The following PPIL1 variants were observed in gnomAD, a reference collection of about 807,000 sequenced individuals.
PPIL1 encodes peptidyl-prolyl cis-trans isomerase-like 1.
PPIL1 carries 14 observed loss-of-function variants against 19.4 expected under a neutral mutation model. The observed-to-expected ratio is 0.72, with a 90% CI of 0.48 to 1.13. PPIL1 has a LOEUF of 1.13. Ranked by LOEUF, PPIL1 falls within the 50% of genes most tolerant of loss-of-function variation. PPIL1 has a pLI of 0.00. For missense variants in PPIL1, 192 were observed against 218.0 expected, an observed-to-expected ratio of 0.88 and a Z score of 0.75; for synonymous variants, 72 against 73.6, an observed-to-expected ratio of 0.98 and a Z score of 0.11.
At position 36,855,756 on chromosome 6, in the gene PPIL1, T is replaced by G; in HGVS notation, c.*57A>C. On this transcript the variant is annotated 3_prime_UTR_variant, in exon 4 of 4. Transcript: ENST00000373699. ...TAGCATTACATGTCATTCTATGTCATCTAGAAGCTGGTTCACTGGGGCCAT... is the reference window on the plus strand; with the variant it reads ...TAGCATTACATGTCATTCTATGTCAGCTAGAAGCTGGTTCACTGGGGCCAT... The G allele has an allele frequency of 1.3e-6, 2 of 1,553,238 alleles. No homozygotes were observed. Among genetic ancestry groups the G allele is most frequent in the Non-Finnish European group, 1.8e-6 (2 of 1,125,308 alleles).
intron 2 of PPIL1, among the ~76,000 whole-genome samples, chr6:36,863,059 G>A (rs1583111462): frequency 6.6e-6 from 1 of 152,302 alleles, no homozygotes; most frequent in Middle Eastern, 3.4e-3. Context: ...GGCTTGTTAT[G>A]AGAATTAAAT....
chr6:36,856,872 C>T (rs561261745), intron 2 of PPIL1, among the ~76,000 whole-genome samples: 1 of 152,138 alleles, frequency 6.6e-6, no homozygotes, highest in Non-Finnish European at 1.5e-5. Context: ...TTCAAAATAA[C>T]GCTATTTTTT....
rs1315047336 is a variant in PPIL1, at chr6:36,872,190, T to C, written c.57-318A>G. Reference sequence around the variant, plus strand: ...GCTATATCTGATTATCTGAAACCAATATAACCAACCCCTAAATTAGGAAAA... The same window carrying C: ...GCTATATCTGATTATCTGAAACCAACATAACCAACCCCTAAATTAGGAAAA... On this transcript the variant is annotated intron_variant, in intron 1 of 3. Coordinates refer to ENST00000373699, the MANE Select transcript of PPIL1 (RefSeq NM_016059.5). Among the ~76,000 whole-genome samples the C allele has an allele frequency of 2.6e-5, 4 of 151,994 alleles. No homozygotes were observed. In the East Asian group the frequency reaches 7.7e-4, roughly 29 times the overall value.
intron 2 of PPIL1, among the ~76,000 whole-genome samples, chr6:36,865,710 C>A (rs1774381720): frequency 6.6e-6 from 1 of 152,204 alleles, no homozygotes; most frequent in African/African-American, 2.4e-5. Flanking sequence ...ACATAATCCA[C>A]ACCGTACTAT....
chr6:36,859,761 T>C (rs1463962320), intron 2 of PPIL1, among the ~76,000 whole-genome samples: 2 of 151,752 alleles, frequency 1.3e-5, no homozygotes. Flanking sequence ...TTGCAGGTTC[T>C]GTGCCTGGTC....
At chr6:36,865,545 C>CT (rs1265915609) in intron 2 of PPIL1, among the ~76,000 whole-genome samples, 4 of 152,164 alleles carry the variant, frequency 2.6e-5, no homozygotes, top group Non-Finnish European at 5.9e-5. Context: ...CTGCATGCCT[C>CT]TGTCACTCCT....
intron 2 of PPIL1, among the ~76,000 whole-genome samples, chr6:36,862,428 C>T (rs1028520382): frequency 2.0e-5 from 3 of 152,174 alleles, no homozygotes; most frequent in African/African-American, 4.8e-5. Context: ...TGCAGACAGG[C>T]GTGGCCAGAT....
chr6:36,860,763 TA>T (rs10585822), intron 2 of PPIL1, among the ~76,000 whole-genome samples: 23,561 of 122,122 alleles, frequency 0.19, 2,005 homozygotes, highest in Middle Eastern at 0.25. Context: ...TATGTATCCC[TA>T]AAAAAAAAAA....
chr6:36,871,954 T>C, intron 1 of PPIL1, 82 bp from the exon 2 acceptor site: 1 of 1,267,974 alleles, frequency 7.9e-7, no homozygotes, highest in Admixed American at 3.6e-5. Context: ...CCAGGACTCT[T>C]GATTTTCAAG....
chr6:36,860,723 T>G (rs937080624), intron 2 of PPIL1, among the ~76,000 whole-genome samples: 1 of 151,426 alleles, frequency 6.6e-6, no homozygotes, highest in African/African-American at 2.4e-5. Context: ...AATTTGGCAT[T>G]TCCATGCATT....
rs1350230290 is a variant in PPIL1, at chr6:36,855,073, A to G, written c.*740T>C. The stretch of plus-strand genomic sequence containing the variant: ...TCATGGTCTGTCCTTTGCTCACTAC[A>G]GATTTCTCCTCTTCTCTGGGAAAAA... On this transcript the variant is annotated 3_prime_UTR_variant, in exon 4 of 4. Coordinates refer to ENST00000373699, the MANE Select transcript of PPIL1 (RefSeq NM_016059.5). The G allele has an allele frequency of 2.6e-5, 4 of 152,762 alleles. No individual in the cohort carries two copies. The highest frequency in any genetic ancestry group is 4.4e-5 in the Non-Finnish European group (3 of 68,150). 9.5% of individuals were successfully genotyped at this position (152,762 alleles called of 1,614,324 possible).
rs138845960 is a variant in PPIL1 at position 36,864,012 on chromosome 6, G to A, written c.212-7358C>T. Among the ~76,000 whole-genome samples the A allele has an allele frequency of 4.4e-3, 676 of 151,922 alleles. 10 individuals carry two copies. Among genetic ancestry groups the A allele is most frequent in the African/African-American group, 0.016 (657 of 41,416 alleles). On this transcript the variant is annotated intron_variant, in intron 2 of 3. Transcript: ENST00000373699. ...CCCTGACCCTTTATCTTTCACAGGTGTTACCCAATAAACCTCTATCTTGGT... is the reference window on the plus strand; with the variant it reads ...CCCTGACCCTTTATCTTTCACAGGTATTACCCAATAAACCTCTATCTTGGT...
chr6:36,870,688 T>C (rs1774490844), intron 2 of PPIL1, among the ~76,000 whole-genome samples: 1 of 152,206 alleles, frequency 6.6e-6, no homozygotes, highest in Admixed American at 6.5e-5. Flanking sequence ...TGGTGCGATC[T>C]TGGCTCACTG....
At chr6:36,868,993 T>A (rs570528291) in intron 2 of PPIL1, among the ~76,000 whole-genome samples, 144 of 152,226 alleles carry the variant, frequency 9.5e-4, no homozygotes, top group African/African-American at 3.2e-3. Context: ...TATTTTAATT[T>A]ATTTATTTAG....
In PPIL1 at chr6:36,863,952, C is replaced by G. The variant is rs145141164; in HGVS notation, c.212-7298G>C. Among the ~76,000 whole-genome samples, 511 of 152,078 alleles carry G rather than the reference C, an allele frequency of 3.4e-3. 1 individual carries two copies. Among genetic ancestry groups the G allele is most frequent in the African/African-American group, 0.011 (475 of 41,466 alleles). Reference sequence around the variant, plus strand: ...TTCACAGGTGTTACTCAGGCCTGCGCTGCTGTGTGAAGACCTTCCCTTCCA... The same window carrying G: ...TTCACAGGTGTTACTCAGGCCTGCGGTGCTGTGTGAAGACCTTCCCTTCCA... On this transcript the variant is annotated intron_variant, in intron 2 of 3. Transcript: ENST00000373699.
At chr6:36,869,031 C>G (rs1398680859) in intron 2 of PPIL1, among the ~76,000 whole-genome samples, 2 of 151,968 alleles carry the variant, frequency 1.3e-5, no homozygotes, top group Non-Finnish European at 2.9e-5. Flanking sequence ...GTCGCTCAGG[C>G]TGGAGTGCAG....
At chr6:36,872,033 G>T in intron 1 of PPIL1, 161 bp from the exon 2 acceptor site, 1 of 616,876 alleles carries the variant, frequency 1.6e-6, no homozygotes. Flanking sequence ...CACAATGCAA[G>T]TAACATAAAC....
intron 2 of PPIL1, among the ~76,000 whole-genome samples, chr6:36,864,422 G>T (rs147070196): frequency 1.0e-3 from 158 of 152,214 alleles, no homozygotes; most frequent in Non-Finnish European, 1.9e-3. Flanking sequence ...CTGGTCTAAG[G>T]CCTCTGGCTG....
chr6:36,868,626 C>T (rs1774440173), intron 2 of PPIL1, among the ~76,000 whole-genome samples: 1 of 152,008 alleles, frequency 6.6e-6, no homozygotes, highest in Non-Finnish European at 1.5e-5. Context: ...TCACTTAGGC[C>T]CAGGAGTTTG....
Sources: allele counts gnomAD v4.1 joint callset (sites outside exome capture counted in the v4.1 genomes callset), GRCh38; gene constraint gnomAD v4.1.1; transcripts MANE v1.5; gene names NCBI Gene and HGNC (gene_info 2026-07-23, HGNC 2026-07-21).